Variants in SH3RF2 observed in about 807,000 individuals in gnomAD.
SH3RF2 encodes the protein SH3 domain containing ring finger 2, also known as E3 ubiquitin-protein ligase SH3RF2.
In SH3RF2, 43 loss-of-function variants were observed where a neutral mutation model predicts 59.0. That is an observed-to-expected ratio of 0.73 (90% CI 0.57 to 0.94). The LOEUF (loss-of-function observed/expected upper bound fraction) is 0.94, where lower values mean the gene tolerates loss of function less well. Ranked by LOEUF, SH3RF2 falls within the 40% of genes least tolerant of loss-of-function variation. The pLI, the probability that SH3RF2 is intolerant of heterozygous loss-of-function variation, is 0.00. For synonymous variants in SH3RF2, 391 were observed against 391.5 expected, an observed-to-expected ratio of 1.00 and a Z score of 0.01; for missense variants, 930 against 940.1, an observed-to-expected ratio of 0.99 and a Z score of 0.14.
intron 9 of SH3RF2, among the ~76,000 whole-genome samples, chr5:146,076,991 A>C (rs1269099727): frequency 6.6e-6 from 1 of 152,224 alleles, no homozygotes; most frequent in African/African-American, 2.4e-5. Flanking sequence ...TGGACAGAAA[A>C]GAAATCAGGG....
intron 2 of SH3RF2, among the ~76,000 whole-genome samples, chr5:145,947,756 T>C (rs1009549834): frequency 1.3e-5 from 2 of 152,202 alleles, no homozygotes; most frequent in African/African-American, 4.8e-5. Context: ...TCTCACTTGT[T>C]CAACAGACAC....
intron 5 of SH3RF2, among the ~76,000 whole-genome samples, chr5:146,029,958 T>C (rs1156466981): frequency 1.3e-5 from 2 of 152,140 alleles, no homozygotes; most frequent in South Asian, 2.1e-4. Flanking sequence ...TGATGGAAAA[T>C]TGCACAACTA....
At chr5:146,079,333 G>C (rs1763390082) in exon 10 of SH3RF2, 1 of 152,098 alleles carries the variant, frequency 6.6e-6, no homozygotes, top group Admixed American at 6.5e-5. Flanking sequence ...TAAAATTACT[G>C]TGCTAACCTG....
At position 146,049,127 on chromosome 5, in the gene SH3RF2, C is replaced by A. The variant is rs753743799; in HGVS notation, c.1204C>A (p.Gln402Lys). 5.0e-6 allele frequency: 8 copies of A among 1,614,040 alleles called. No individual in the cohort carries two copies. In the East Asian group the frequency reaches 1.6e-4, roughly 31 times the overall value. ...SAHGPDELDL[Q>K]KGEGVRVLGK... is the part of the protein sequence containing the mutation. ...CCATGGACCCGATGAGCTGGACCTG[C>A]AAAAGGGAGAAGGCGTCAGGGTCCT... Residue 402 changes from glutamine to lysine, a missense_variant, in exon 7 of 10, where the codon CAA (glutamine) becomes AAA (lysine). By Grantham distance (53) the Gln-to-Lys change is moderately conservative (BLOSUM62 1). Transcript: ENST00000359120.
chr5:146,018,125 G>A (rs150560791), intron 5 of SH3RF2, among the ~76,000 whole-genome samples: 1 of 152,122 alleles, frequency 6.6e-6, no homozygotes, highest in East Asian at 1.9e-4. Flanking sequence ...AGCTTTAGGG[G>A]TACAAGTGGT....
chr5:145,937,903 G>A lies in SH3RF2; in HGVS notation c.-26G>A. 1.3e-6 allele frequency: 2 copies of A among 1,594,356 alleles called. No individual in the cohort carries two copies. Among genetic ancestry groups the A allele is most frequent in the Non-Finnish European group, 1.7e-6 (2 of 1,169,770 alleles). ...CTACCATGTGGACGCTGCTCCTCCA[G>A]GTGGGAACTGGAGTTTTGAAATAAA... On this transcript the variant is annotated 5_prime_UTR_variant, in exon 2 of 10. Coordinates refer to ENST00000359120, the MANE Select transcript of SH3RF2 (RefSeq NM_152550.4).
At chr5:146,064,532 G>T (rs1285727960), downstream of SH3RF2, among the ~76,000 whole-genome samples, 1 of 139,940 alleles carries the variant, frequency 7.1e-6, no homozygotes, top group Admixed American at 7.5e-5. Context: ...TGCTACTAAG[G>T]CTGGGTGCCA....
At chr5:145,942,939 C>T (rs758341277) in intron 2 of SH3RF2, among the ~76,000 whole-genome samples, 6 of 151,954 alleles carry the variant, frequency 3.9e-5, no homozygotes, top group Non-Finnish European at 4.4e-5. Flanking sequence ...AGCTGTGTGG[C>T]CTTAGGCAAG....
rs534918679 is a variant in SH3RF2 at position 146,010,576 on chromosome 5, C to T, written c.745-3171C>T. Among the ~76,000 whole-genome samples the T allele has an allele frequency of 2.5e-3, 384 of 152,186 alleles. 4 individuals carry two copies. Among genetic ancestry groups the T allele is most frequent in the Non-Finnish European group, 3.8e-3 (259 of 67,990 alleles). On this transcript the variant is annotated intron_variant, in intron 4 of 9. Transcript: ENST00000359120. ...ACTTTTTAATGTTTGCCATTCTAAC[C>T]GGTGTGAGATGGTATCTCATTGTGG...
chr5:145,967,111 T>C (rs946346108), intron 2 of SH3RF2, among the ~76,000 whole-genome samples: 3 of 152,218 alleles, frequency 2.0e-5, no homozygotes, highest in African/African-American at 7.2e-5. Context: ...TTTTATAATT[T>C]AGGTGAAAAT....
chr5:146,013,785 A>T lies in SH3RF2; in HGVS notation c.783A>T (p.Lys261Asn). 6.2e-7 allele frequency: 1 copy of T among 1,614,128 alleles called. No homozygotes were observed. Among genetic ancestry groups the T allele is most frequent in the Non-Finnish European group, 8.5e-7 (1 of 1,180,010 alleles). ...CAAGACACCTTTTAGAGAAGAACAA[A>T]GGTCGCCAGTCATCCCGCACAAAAA... is the stretch of plus-strand genomic sequence containing the variant. ...LTARHLLEKN[K>N]GRQSSRTKNL... Residue 261 changes from lysine (K) to asparagine (N), a missense_variant, in exon 5 of 10, where the codon AAA becomes AAT. Physicochemically the swap from Lys to Asn is moderately conservative, Grantham distance 94. Transcript: ENST00000359120.
intron 5 of SH3RF2, among the ~76,000 whole-genome samples, chr5:146,030,542 C>A (rs1047970645): frequency 6.6e-6 from 1 of 152,136 alleles, no homozygotes; most frequent in Non-Finnish European, 1.5e-5. Context: ...CATCTGTCTA[C>A]GTCTGTAGAG....
rs777817622 is a variant in SH3RF2, at chr5:146,060,260, C to A, written c.1914+36C>A. 2.0e-6 allele frequency: 3 copies of A among 1,535,282 alleles called. No individual in the cohort carries two copies. In the South Asian group the frequency reaches 3.8e-5, roughly 19 times the overall value. On this transcript the variant is annotated intron_variant, in intron 9 of 9. Transcript: ENST00000359120. ...AGTGACATTGGGGGCCCAACTCTTT[C>A]GATCCCGTACTATGCATAGTGTCTC... is the stretch of plus-strand genomic sequence containing the variant.
At chr5:146,054,454 A>G (rs1413672491) in intron 7 of SH3RF2, among the ~76,000 whole-genome samples, 1 of 152,192 alleles carries the variant, frequency 6.6e-6, no homozygotes. Context: ...CCTCTGTTCA[A>G]AAGACAGGCA....
exon 10 of SH3RF2, chr5:146,080,105 A>C (rs1255356660): frequency 6.6e-6 from 1 of 152,234 alleles, no homozygotes; most frequent in African/African-American, 2.4e-5. Context: ...CAAATGATCA[A>C]GGATCAAAAA....
At chr5:146,048,009 A>T in intron 6 of SH3RF2, 146 bp downstream of exon 6, 1 of 773,264 alleles carries the variant, frequency 1.3e-6, no homozygotes, top group Non-Finnish European at 2.1e-6. Flanking sequence ...CAAGTGAAAT[A>T]ATGGTGAAAA....
rs188024485 is a variant in SH3RF2, at chr5:146,019,128, A to G, written c.1059+5067A>G. Among the ~76,000 whole-genome samples, 567 of 151,826 alleles carry G rather than the reference A, an allele frequency of 3.7e-3. 4 individuals are homozygous for G. The highest frequency in any genetic ancestry group is 0.013 in the African/African-American group (541 of 41,444). On this transcript the variant is annotated intron_variant, in intron 5 of 9. Coordinates refer to ENST00000359120, the MANE Select transcript of SH3RF2 (RefSeq NM_152550.4). ...TTTTTATTTTACTTAGGTTTCATTTATTTATTTTTGTCTTTGTTGCATTTG... is the reference window on the plus strand; with the variant it reads ...TTTTTATTTTACTTAGGTTTCATTTGTTTATTTTTGTCTTTGTTGCATTTG...
chr5:145,979,769 G>A (rs1458546421), intron 2 of SH3RF2, among the ~76,000 whole-genome samples: 3 of 152,182 alleles, frequency 2.0e-5, no homozygotes, highest in Admixed American at 6.6e-5. Context: ...TTGTTGGAAG[G>A]TTGAAGTGAG....
intron 2 of SH3RF2, among the ~76,000 whole-genome samples, chr5:145,998,545 A>C (rs1348034188): frequency 6.6e-6 from 1 of 152,156 alleles, no homozygotes; most frequent in Non-Finnish European, 1.5e-5. Context: ...GTGTAGGTTC[A>C]GTTTTGGACC....
Sources: allele counts gnomAD v4.1 joint callset (sites outside exome capture counted in the v4.1 genomes callset), GRCh38; gene constraint gnomAD v4.1.1; transcripts MANE v1.5; gene names NCBI Gene and HGNC (gene_info 2026-07-23, HGNC 2026-07-21).